GCM1: variants seen among roughly 807,000 people sequenced by gnomAD.
The protein encoded by GCM1 is chorion-specific transcription factor GCMa.
Under a neutral mutation model 25.7 loss-of-function variants are expected in GCM1, and 2 were observed. That is an observed-to-expected ratio of 0.08 (90% confidence interval 0.03 to 0.24). The LOEUF (loss-of-function observed/expected upper bound fraction) is 0.24. Among genes scored for constraint, GCM1 ranks in the 10% least tolerant of loss-of-function variants. The pLI is 1.00. For synonymous variants in GCM1, 183 were observed against 195.7 expected, an observed-to-expected ratio of 0.94 and a Z score of 0.54; for missense variants, 395 against 538.7, an observed-to-expected ratio of 0.73 and a Z score of 2.64.
rs1763679024 is a variant in GCM1 at position 53,128,592 on chromosome 6, C to T, written c.925G>A (p.Ala309Thr). The T allele has an allele frequency of 4.3e-6, 7 of 1,613,980 alleles. No homozygotes were observed. Among genetic ancestry groups the T allele is most frequent in the African/African-American group, 1.3e-5 (1 of 74,906 alleles). The change falls in exon 6 of 6, where the codon GCT becomes ACT. Residue 309 changes from alanine to threonine, a missense_variant. Coordinates refer to ENST00000259803, the MANE Select transcript of GCM1 (RefSeq NM_003643.4). ...GGATAATTGGAATAACAGTTGTCAG[C>T]AAGATGATTTCTCCCCAAAGCAGCA... The part of the protein sequence containing the change: ...KNAALGRNHL[A>T]DNCYSNYPFP...
rs368633414 is a variant in GCM1 at position 53,128,631 on chromosome 6, C to T, written c.886G>A (p.Ala296Thr). ...GVYSDHGDLQ[A>T]WSKNAALGRN... is the part of the protein sequence containing the mutation. ...CCCAAAGCAGCATTTTTACTCCACG[C>T]TTGTAGATCGCCATGATCAGAGTAG... Residue 296 changes from alanine to threonine, a missense_variant, in exon 6 of 6, where the codon GCG (alanine) becomes ACG (threonine). This residue lies in a region of GCM1 where 291 missense variants were observed against 314.6 expected (regional missense o/e 0.92). Transcript: ENST00000259803. 6.2e-6 allele frequency: 10 copies of T among 1,613,854 alleles called. No individual in the cohort carries two copies. Among genetic ancestry groups the T allele is most frequent in the South Asian group, 1.1e-5 (1 of 91,084 alleles).
At chr6:53,144,775 C>T (rs1161754712) in intron 2 of GCM1, among the ~76,000 whole-genome samples, 1 of 151,750 alleles carries the variant, frequency 6.6e-6, no homozygotes, top group East Asian at 1.9e-4. Flanking sequence ...ATTAGCTGGG[C>T]TTGTTGGCGT....
intron 2 of GCM1, 137 bp from the exon 3 acceptor site, chr6:53,134,461 A>G (rs1242731957): frequency 8.0e-6 from 6 of 750,890 alleles, no homozygotes; most frequent in South Asian, 1.7e-5. Flanking sequence ...GCCTCCCTAC[A>G]TTTAATTCTG....
In GCM1 at chr6:53,143,722, T is replaced by G. The variant is rs568616780; in HGVS notation, c.75+1836A>C. Among the ~76,000 whole-genome samples, 10 of 151,868 alleles carry G rather than the reference T, an allele frequency of 6.6e-5. No individual in the cohort carries two copies. In the South Asian group the frequency reaches 2.1e-3, roughly 32 times the overall value. ...AATCGATATTTGCATGATTTAACTG[T>G]GGTTTCTAGAACCATTTGTAAATGG... On this transcript the variant is annotated intron_variant, in intron 2 of 5. Transcript: ENST00000259803.
intron 4 of GCM1, 102 bp downstream of exon 4, chr6:53,131,905 G>T (rs1763731850): frequency 6.7e-6 from 5 of 742,576 alleles, no homozygotes; most frequent in South Asian, 4.4e-5. Context: ...TAGAGTGTGA[G>T]CCCTCGGGGA....
At chr6:53,136,305 A>G (rs1657600333) in intron 2 of GCM1, among the ~76,000 whole-genome samples, 1 of 152,244 alleles carries the variant, frequency 6.6e-6, no homozygotes, top group Non-Finnish European at 1.5e-5. Flanking sequence ...TACAATATTT[A>G]CTATCTGACT....
In GCM1 at chr6:53,136,371, T is replaced by C. The variant is rs188992097; in HGVS notation, c.76-2047A>G. 3.3e-5 allele frequency among the ~76,000 whole-genome samples: 5 copies of C among 152,348 alleles called. No homozygotes were observed. The East Asian group carries it at 7.7e-4, about 24-fold the overall frequency. ...AAGCTTGGACTCTGGAGGTACACTGTCTTTCTGGATATGAGTCTTAATGAC... is the reference window on the plus strand; with the variant it reads ...AAGCTTGGACTCTGGAGGTACACTGCCTTTCTGGATATGAGTCTTAATGAC... On this transcript the variant is annotated intron_variant, in intron 2 of 5. Coordinates refer to ENST00000259803, the MANE Select transcript of GCM1 (RefSeq NM_003643.4).
At position 53,127,952 on chromosome 6, in the gene GCM1, C is replaced by G. The variant is rs570628586; in HGVS notation, c.*254G>C. 7.8e-6 allele frequency: 2 copies of G among 255,322 alleles called. No individual in the cohort carries two copies. The highest frequency in any genetic ancestry group is 1.9e-4 in the South Asian group (2 of 10,800). The allele number at this position is 255,322 out of a possible 1,614,324, so 15.8% of individuals were successfully genotyped here. ...GCTGACGCAGGAGAATCACTCAAAC[C>G]CGGGAGGCAGAGGTTGCAGTGAGCC... On this transcript the variant is annotated 3_prime_UTR_variant, in exon 6 of 6. Transcript: ENST00000259803.
At chr6:53,137,886 G>A (rs1289699460) in intron 2 of GCM1, among the ~76,000 whole-genome samples, 1 of 152,192 alleles carries the variant, frequency 6.6e-6, no homozygotes, top group African/African-American at 2.4e-5. Context: ...TCTGATTAAA[G>A]CAAAGACTCC....
intron 2 of GCM1, among the ~76,000 whole-genome samples, chr6:53,142,504 A>G (rs1368267692): frequency 6.6e-6 from 1 of 152,222 alleles, no homozygotes; most frequent in East Asian, 1.9e-4. Flanking sequence ...CACAGTACCT[A>G]TTAAAATTCC....
At chr6:53,144,784 G>T (rs995638673) in intron 2 of GCM1, among the ~76,000 whole-genome samples, 1 of 151,926 alleles carries the variant, frequency 6.6e-6, no homozygotes, top group Admixed American at 6.6e-5. Flanking sequence ...GCTTGTTGGC[G>T]TGTGCCTATG....
intron 2 of GCM1, among the ~76,000 whole-genome samples, chr6:53,140,728 C>T (rs1345641641): frequency 6.6e-6 from 1 of 152,074 alleles, no homozygotes; most frequent in Non-Finnish European, 1.5e-5. Flanking sequence ...TGGATATTCT[C>T]CTCTTGCTAG....
chr6:53,129,590 A>T (rs1379939197), intron 5 of GCM1, among the ~76,000 whole-genome samples: 2 of 152,074 alleles, frequency 1.3e-5, no homozygotes, highest in East Asian at 3.8e-4. Context: ...TGCCTTTTTG[A>T]GAAACTTATA....
rs180804405 is a variant in GCM1, at chr6:53,146,927, T to C, written c.-136-1159A>G. Among the ~76,000 whole-genome samples, 282 of 152,176 alleles carry C rather than the reference T, an allele frequency of 1.9e-3. 1 individual carries two copies. The highest frequency in any genetic ancestry group is 6.6e-3 in the African/African-American group (273 of 41,504). On this transcript the variant is annotated intron_variant, in intron 1 of 5. Transcript: ENST00000259803. ...TGCACACCTGTAGTCCCAGCTACTT[T>C]GGGAGGCTGAGGTGGAGGATTACCC...
intron 2 of GCM1, among the ~76,000 whole-genome samples, chr6:53,135,795 A>G (rs560724094): frequency 5.9e-5 from 9 of 152,326 alleles, no homozygotes; most frequent in African/African-American, 1.9e-4. Context: ...AGCCCACAAC[A>G]TAAAAAAAAG....
chr6:53,147,252 G>A (rs931289990), intron 1 of GCM1, among the ~76,000 whole-genome samples: 1 of 151,974 alleles, frequency 6.6e-6, no homozygotes, highest in East Asian at 1.9e-4. Flanking sequence ...TTGTTAGTAC[G>A]ATATGAAGTG....
At chr6:53,135,466 A>G (rs540696363) in intron 2 of GCM1, among the ~76,000 whole-genome samples, 1 of 152,228 alleles carries the variant, frequency 6.6e-6, no homozygotes, top group Non-Finnish European at 1.5e-5. Context: ...TATATATTAA[A>G]TACTTAGCAC....
intron 3 of GCM1, 81 bp from the exon 4 acceptor site, chr6:53,132,200 G>C: frequency 1.1e-6 from 1 of 897,832 alleles, no homozygotes; most frequent in Non-Finnish European, 1.9e-6. Context: ...GAAGATTTTA[G>C]CCCTGACTCA....
intron 2 of GCM1, among the ~76,000 whole-genome samples, chr6:53,141,299 A>G (rs1373504954): frequency 2.0e-5 from 3 of 152,248 alleles, no homozygotes; most frequent in Non-Finnish European, 4.4e-5. Context: ...CACTGTTGTC[A>G]AAATTAACCC....
Sources: gnomAD v4.1 joint callset for allele counts (sites outside exome capture counted in the v4.1 genomes callset) on GRCh38, gnomAD v4.1.1 for gene constraint, gnomAD v4.1.1 regional missense constraint, MANE v1.5 for transcripts, NCBI Gene and HGNC (gene_info 2026-07-23, HGNC 2026-07-21) for gene names.